The following EXT2 variants were observed in gnomAD, a reference collection of about 807,000 sequenced individuals.
The protein encoded by EXT2 is exostosin-2.
A neutral mutation model predicts 81.6 loss-of-function variants in EXT2; 53 were observed. That is an observed-to-expected ratio of 0.65 (90% CI 0.52 to 0.82). EXT2 has a LOEUF of 0.82. EXT2 is among the 40% of genes least tolerant of loss of function. The pLI, the probability that EXT2 is intolerant of heterozygous loss-of-function variation, is 0.00. For missense variants in EXT2, 774 were observed against 910.2 expected, an observed-to-expected ratio of 0.85 and a Z score of 1.93; for synonymous variants, 320 against 340.0, an observed-to-expected ratio of 0.94 and a Z score of 0.65.
Position 44,150,764 on chromosome 11 carries a change from C to G in EXT2, c.1173+20626C>G, listed in dbSNP as rs549994632. On this transcript the variant is annotated intron_variant, in intron 7 of 13. Transcript: ENST00000533608. ...CATGGGCCTTACTCTAGAGGAAATT[C>G]AGGATCCTAGTATAAAGAAGCTGTA... 1.6e-4 allele frequency among the ~76,000 whole-genome samples: 24 copies of G among 152,284 alleles called. 1 individual carries two copies. The highest frequency in any genetic ancestry group is 5.5e-4 in the African/African-American group (23 of 41,568).
chr11:44,126,718 G>T, intron 5 of EXT2, 98 bp from the exon 6 acceptor site: 1 of 1,500,022 alleles, frequency 6.7e-7, no homozygotes, highest in Non-Finnish European at 9.3e-7. Context: ...AGTATTGCTT[G>T]GCGTCAACCC....
intron 7 of EXT2, among the ~76,000 whole-genome samples, chr11:44,135,398 T>A (rs1277243170): frequency 6.6e-6 from 1 of 151,354 alleles, no homozygotes; most frequent in Non-Finnish European, 1.5e-5. Flanking sequence ...TACTTTTTTT[T>A]TTTTTTTTTT....
intron 8 of EXT2, among the ~76,000 whole-genome samples, chr11:44,187,116 C>T (rs1384055366): frequency 6.9e-6 from 1 of 144,532 alleles, no homozygotes; most frequent in Non-Finnish European, 1.5e-5. Flanking sequence ...TAGCTCCCTA[C>T]AGCCTTGACC....
chr11:44,136,464 A>G (rs1954568998), intron 7 of EXT2, among the ~76,000 whole-genome samples: 1 of 152,254 alleles, frequency 6.6e-6, no homozygotes, highest in East Asian at 1.9e-4. Flanking sequence ...GATTGAGGGT[A>G]AAAATCAGGA....
intron 8 of EXT2, among the ~76,000 whole-genome samples, chr11:44,179,050 G>T (rs750788310): frequency 2.6e-5 from 4 of 152,276 alleles, no homozygotes; most frequent in Non-Finnish European, 4.4e-5. Context: ...TGCAGATGGA[G>T]AGATGCAGAA....
Position 44,197,932 on chromosome 11 carries a change from T to C in EXT2, c.1409T>C (p.Phe470Ser), listed in dbSNP as rs1360036719. The C allele has an allele frequency of 1.2e-6, 2 of 1,614,076 alleles. No individual in the cohort carries two copies. Among genetic ancestry groups the C allele is most frequent in the Admixed American group, 3.3e-5 (2 of 60,010 alleles). Residue 470 changes from phenylalanine (F) to serine (S), a missense_variant, in exon 9 of 14, where the codon TTC (phenylalanine) becomes TCC (serine). By Grantham distance (155) the Phe-to-Ser change is radical. This residue lies in a region of EXT2 where 626 missense variants were observed against 670.5 expected (regional missense o/e 0.93). Coordinates refer to ENST00000533608, the MANE Select transcript of EXT2 (RefSeq NM_207122.2). The part of the protein sequence containing the change: ...VLTYDRVESL[F>S]RVITEVSKVP... ...ACCTACGACCGAGTAGAGAGCCTCTTCCGGGTCATCACTGAAGTGTCCAAG... is the reference window on the plus strand; with the variant it reads ...ACCTACGACCGAGTAGAGAGCCTCTCCCGGGTCATCACTGAAGTGTCCAAG...
At chr11:44,172,002 A>G (rs143535214) in intron 8 of EXT2, 60 of 507,746 alleles carry the variant, frequency 1.2e-4, no homozygotes, top group African/African-American at 1.0e-3. Flanking sequence ...GTAAGGAGGC[A>G]TGGGTCTTGT....
At chr11:44,202,681 A>T (rs1010778204) in intron 9 of EXT2, among the ~76,000 whole-genome samples, 2 of 152,214 alleles carry the variant, frequency 1.3e-5, no homozygotes, top group Non-Finnish European at 2.9e-5. Flanking sequence ...AGCATGGCTG[A>T]CATTTTAGTG....
intron 7 of EXT2, among the ~76,000 whole-genome samples, chr11:44,164,313 G>A (rs1954964388): frequency 6.6e-6 from 1 of 151,918 alleles, no homozygotes; most frequent in South Asian, 2.1e-4. Flanking sequence ...TTGTCTAATA[G>A]TTCCTTCATC....
At chr11:44,142,236 CT>C (rs1954655969) in intron 7 of EXT2, among the ~76,000 whole-genome samples, 1 of 152,158 alleles carries the variant, frequency 6.6e-6, no homozygotes, top group Non-Finnish European at 1.5e-5. Flanking sequence ...TTGGAGTTGC[CT>C]AATTATTTTT....
chr11:44,236,297 C>CT lies in EXT2; in HGVS notation c.1940_1941insT (p.Arg649ThrfsTer8). On this transcript the variant is annotated frameshift_variant, in exon 13 of 14. Transcript: ENST00000533608. LOFTEE classifies it high-confidence loss of function. The stretch of plus-strand genomic sequence containing the variant: ...GTTTTTGTCCTCCTCTGGCAGGTAA[C>CT]CCCACGAAAGAAATTCAAGTGTCCT... 6.2e-7 allele frequency: 1 copy of CT among 1,614,022 alleles called. No individual in the cohort carries two copies. The highest frequency in any genetic ancestry group is 8.5e-7 in the Non-Finnish European group (1 of 1,179,948).
At chr11:44,227,164 C>G (rs1352824173) in intron 10 of EXT2, among the ~76,000 whole-genome samples, 1 of 152,194 alleles carries the variant, frequency 6.6e-6, no homozygotes, top group East Asian at 1.9e-4. Context: ...CCCTTCTCCC[C>G]CTAGTCTGTT....
In EXT2 at chr11:44,246,396, T is replaced by A. The variant is rs1374687505; in HGVS notation, c.*2109T>A. Among the ~76,000 whole-genome samples, 1 of 152,220 alleles carries A rather than the reference T, an allele frequency of 6.6e-6. No individual in the cohort carries two copies. The highest frequency in any genetic ancestry group is 1.5e-5 in the Non-Finnish European group (1 of 68,044). On this transcript the variant is annotated 3_prime_UTR_variant, in exon 14 of 14. Coordinates refer to ENST00000533608, the MANE Select transcript of EXT2 (RefSeq NM_207122.2). ...GGTACATTTTTAAATTTTTATTTTTTAAAATCTTGAGAGTCCTTTGATTTG... is the reference window on the plus strand; with the variant it reads ...GGTACATTTTTAAATTTTTATTTTTAAAAATCTTGAGAGTCCTTTGATTTG...
At chr11:44,193,418 C>T (rs1442707932) in intron 8 of EXT2, among the ~76,000 whole-genome samples, 1 of 152,128 alleles carries the variant, frequency 6.6e-6, no homozygotes, top group East Asian at 1.9e-4. Flanking sequence ...CATATATTAC[C>T]TCATTTATGC....
intron 8 of EXT2, among the ~76,000 whole-genome samples, chr11:44,174,164 A>G (rs1955122143): frequency 6.6e-6 from 1 of 152,150 alleles, no homozygotes. Context: ...GGAAAGACTG[A>G]TATCTTTGTC....
chr11:44,149,504 A>G lies in EXT2; in HGVS notation c.1173+19366A>G, dbSNP rs1245956410. On this transcript the variant is annotated intron_variant, in intron 7 of 13. Coordinates refer to ENST00000533608, the MANE Select transcript of EXT2 (RefSeq NM_207122.2). ...AATCAACCATGTAATCCAATGCCAT[A>G]TAAGCTTGTAAAGAGCTTGTAAATA... is the stretch of plus-strand genomic sequence containing the variant. 5.3e-5 allele frequency among the ~76,000 whole-genome samples: 8 copies of G among 152,226 alleles called. 1 individual carries two copies. Among genetic ancestry groups the G allele is most frequent in the African/African-American group, 1.2e-4 (5 of 41,458 alleles).
In EXT2 at chr11:44,246,899, A is replaced by G. The variant is rs1281569028; in HGVS notation, c.*2612A>G. Among the ~76,000 whole-genome samples, 3 of 152,240 alleles carry G rather than the reference A, an allele frequency of 2.0e-5. No individual in the cohort carries two copies. Among genetic ancestry groups the G allele is most frequent in the Non-Finnish European group, 4.4e-5 (3 of 68,038 alleles). ...AATGTCGTGTTCTGGCCTACAGCAG[A>G]CAACAGCTGGTTTTAGATTAAGAAA... On this transcript the variant is annotated 3_prime_UTR_variant, in exon 14 of 14. Coordinates refer to ENST00000533608, the MANE Select transcript of EXT2 (RefSeq NM_207122.2).
intron 8 of EXT2, among the ~76,000 whole-genome samples, chr11:44,177,101 A>C (rs1354773258): frequency 6.6e-6 from 1 of 152,136 alleles, no homozygotes; most frequent in East Asian, 1.9e-4. Context: ...TAAAACTTGG[A>C]AATAATGTTA....
rs1955233109 is a variant in EXT2 at position 44,181,318 on chromosome 11, T to A, written c.1305+9576T>A. On this transcript the variant is annotated intron_variant, in intron 8 of 13. Coordinates refer to ENST00000533608, the MANE Select transcript of EXT2 (RefSeq NM_207122.2). Reference sequence around the variant, plus strand: ...TTTTTCCTTCCTGGCAAATTCTGTGTTCTAAAATTTTATGATGATACGCCC... The same window carrying A: ...TTTTTCCTTCCTGGCAAATTCTGTGATCTAAAATTTTATGATGATACGCCC... Among the ~76,000 whole-genome samples the A allele has an allele frequency of 3.9e-5, 6 of 152,320 alleles. No homozygotes were observed. In the South Asian group the frequency reaches 1.2e-3, roughly 32 times the overall value.
Sources: allele counts gnomAD v4.1 joint callset (sites outside exome capture counted in the v4.1 genomes callset), GRCh38; gene constraint gnomAD v4.1.1; regional missense constraint gnomAD v4.1.1; transcripts MANE v1.5; gene names NCBI Gene and HGNC (gene_info 2026-07-23, HGNC 2026-07-21).